Variants in RARB observed in about 807,000 individuals in gnomAD.
RARB encodes the protein HBV-activated protein.
In RARB, 17 loss-of-function variants were observed where a neutral mutation model predicts 51.9. That is an observed-to-expected ratio of 0.33 (90% CI 0.22 to 0.49). RARB has a LOEUF of 0.49. RARB is among the 20% of genes least tolerant of loss of function. RARB has a pLI of 0.99. For missense variants in RARB, 369 were observed against 550.8 expected (o/e 0.67, Z 3.30); for synonymous variants, 215 against 195.4 (o/e 1.10, Z -0.84).
intron 3 of RARB, among the ~76,000 whole-genome samples, chr3:25,128,861 C>T (rs1699901041): frequency 1.3e-5 from 2 of 151,900 alleles, no homozygotes; most frequent in Non-Finnish European, 1.5e-5. Flanking sequence ...ATAATAAAAA[C>T]TCAATGAGTG....
intron 2 of RARB, among the ~76,000 whole-genome samples, chr3:24,984,728 A>G (rs1696750528): frequency 6.6e-6 from 1 of 150,402 alleles, no homozygotes; most frequent in Non-Finnish European, 1.5e-5. Context: ...GAAATTTACT[A>G]AAAGTATTTT....
intron 4 of RARB, among the ~76,000 whole-genome samples, chr3:25,159,981 A>G (rs1247159534): frequency 2.0e-5 from 3 of 152,206 alleles, no homozygotes; most frequent in Non-Finnish European, 4.4e-5. Flanking sequence ...CCACAGGCTA[A>G]TTAAGACAGC....
chr3:25,554,555 A>G (rs535300156), intron 3 of RARB, among the ~76,000 whole-genome samples: 2 of 152,246 alleles, frequency 1.3e-5, no homozygotes, highest in South Asian at 4.1e-4. Flanking sequence ...TATCTGGCCT[A>G]TTAGGAGAAA....
exon 5 of RARB, chr3:25,174,413 C>A: frequency 7.4e-7 from 1 of 1,352,102 alleles, no homozygotes; most frequent in Non-Finnish European, 9.8e-7. Context: ...CACCAGCGGC[C>A]ACGCATGTCC....
At chr3:25,326,761 T>C (rs1704727802) in intron 5 of RARB, among the ~76,000 whole-genome samples, 3 of 152,164 alleles carry the variant, frequency 2.0e-5, no homozygotes, top group African/African-American at 7.2e-5. Context: ...AATGAAAATA[T>C]TTAATAGGTA....
At chr3:25,555,358 C>T (rs193294767) in intron 3 of RARB, among the ~76,000 whole-genome samples, 305 of 152,206 alleles carry the variant, frequency 2.0e-3, no homozygotes, top group African/African-American at 6.5e-3. Context: ...CTCTTCCCTG[C>T]GTTGTTTTTC....
At chr3:25,456,496 T>A (rs1377276138) in intron 1 of RARB, among the ~76,000 whole-genome samples, 2 of 151,752 alleles carry the variant, frequency 1.3e-5, no homozygotes, top group Non-Finnish European at 2.9e-5. Context: ...AATTCTAGAA[T>A]TTGTCTTGGC....
At chr3:24,968,778 C>T (rs534081269) in intron 2 of RARB, among the ~76,000 whole-genome samples, 8 of 152,134 alleles carry the variant, frequency 5.3e-5, no homozygotes, top group Admixed American at 2.0e-4. Flanking sequence ...AACCATTGGC[C>T]GAAGCAAGTC....
intron 4 of RARB, among the ~76,000 whole-genome samples, chr3:25,143,385 CT>C (rs1700139680): frequency 6.6e-6 from 1 of 152,160 alleles, no homozygotes; most frequent in Admixed American, 6.5e-5. Context: ...CAAAAAACCC[CT>C]CTAGTACACA....
At chr3:25,586,516 ACGC>A (rs1272329081) in intron 5 of RARB, among the ~76,000 whole-genome samples, 20 of 152,028 alleles carry the variant, frequency 1.3e-4, no homozygotes, top group Non-Finnish European at 2.4e-4. Flanking sequence ...TTGGAATATC[ACGC>A]CTGTTAAGGC....
chr3:25,353,274 G>A (rs1477475608), intron 5 of RARB, among the ~76,000 whole-genome samples: 3 of 152,126 alleles, frequency 2.0e-5, no homozygotes, highest in Non-Finnish European at 4.4e-5. Context: ...TACTGTAGTG[G>A]CACTCGTGGA....
intron 2 of RARB, among the ~76,000 whole-genome samples, chr3:25,008,373 T>C (rs1394691057): frequency 6.6e-6 from 1 of 152,158 alleles, no homozygotes; most frequent in Non-Finnish European, 1.5e-5. Flanking sequence ...ACCATAAATT[T>C]ATTTTGCCTG....
intron 5 of RARB, among the ~76,000 whole-genome samples, chr3:25,224,677 G>A (rs1463064739): frequency 6.6e-6 from 1 of 152,026 alleles, no homozygotes; most frequent in Non-Finnish European, 1.5e-5. Context: ...GCATGATAAT[G>A]GCTCACTGTA....
chr3:25,099,644 A>G (rs1699362371), intron 3 of RARB, among the ~76,000 whole-genome samples: 1 of 148,164 alleles, frequency 6.7e-6, no homozygotes, highest in Non-Finnish European at 1.5e-5. Flanking sequence ...AACTTTCATT[A>G]TGTAGTAGAA....
chr3:25,098,766 T>C (rs1025061454), intron 3 of RARB, among the ~76,000 whole-genome samples: 5 of 152,208 alleles, frequency 3.3e-5, no homozygotes, highest in Non-Finnish European at 5.9e-5. Context: ...AGTAGTTTAC[T>C]GACCCCGATC....
intron 2 of RARB, among the ~76,000 whole-genome samples, chr3:25,034,367 G>A (rs998639824): frequency 1.3e-5 from 2 of 152,176 alleles, no homozygotes; most frequent in African/African-American, 4.8e-5. Context: ...TGTGTCGAGA[G>A]GACCAGAGCA....
rs1354161173 is a variant in RARB, at chr3:25,550,594, G to C, written c.449-19164G>C. ...TCGCCTTTGAATACCATCACATCGG[G>C]GATTAGGTTTCACTTTATTTAAAAT... On this transcript the variant is annotated intron_variant, in intron 3 of 7. Coordinates refer to ENST00000330688, the MANE Select transcript of RARB (RefSeq NM_000965.5). Among the ~76,000 whole-genome samples the C allele has an allele frequency of 2.6e-5, 4 of 152,038 alleles. No individual in the cohort carries two copies. The East Asian group carries it at 7.7e-4, about 29-fold the overall frequency.
chr3:25,318,926 G>T (rs1704494244), intron 5 of RARB, among the ~76,000 whole-genome samples: 1 of 152,078 alleles, frequency 6.6e-6, no homozygotes, highest in Non-Finnish European at 1.5e-5. Context: ...AACTCTTGTA[G>T]TGCCCAGCAT....
chr3:24,846,464 G>A (rs1048176690), intron 1 of RARB, among the ~76,000 whole-genome samples: 1 of 152,222 alleles, frequency 6.6e-6, no homozygotes, highest in Non-Finnish European at 1.5e-5. Context: ...TGGCAACAGT[G>A]AAGTAGAGGT....
Sources: gnomAD v4.1 joint callset for allele counts (sites outside exome capture counted in the v4.1 genomes callset) on GRCh38, gnomAD v4.1.1 for gene constraint, MANE v1.5 for transcripts, NCBI Gene and HGNC (gene_info 2026-07-23, HGNC 2026-07-21) for gene names.